Variants in ACSL1 observed in about 807,000 individuals in gnomAD.
The protein encoded by ACSL1 is long-chain-fatty-acid--CoA ligase 1.
Under a neutral mutation model 98.4 loss-of-function variants are expected in ACSL1, and 41 were observed. The observed-to-expected ratio is 0.42, with a 90% CI of 0.32 to 0.54. The LOEUF (loss-of-function observed/expected upper bound fraction) is 0.54. Ranked by LOEUF, ACSL1 falls within the 20% of genes least tolerant of loss-of-function variation. The pLI, the probability that ACSL1 is intolerant of heterozygous loss-of-function variation, is 0.13. For synonymous variants in ACSL1, 316 were observed against 322.7 expected (o/e 0.98, Z 0.22); for missense variants, 734 against 883.1 (o/e 0.83, Z 2.14).
rs775721621 is a variant in ACSL1, at chr4:184,773,912, G to A, written c.757-37C>T. 15 of 1,612,080 alleles carry A rather than the reference G, an allele frequency of 9.3e-6. No homozygotes were observed. The highest frequency in any genetic ancestry group is 2.2e-5 in the South Asian group (2 of 90,940). On this transcript the variant is annotated intron_variant, in intron 7 of 20. Transcript: ENST00000281455. This position sits in a 1 kb window ranked among gnomAD's most constrained non-coding sequence, Gnocchi z 4.3. Reference sequence around the variant, plus strand: ...GAGAAAAAAAGTCTTAAATGGAAACGTTTTCTAACTGTAAAGGATAAGGTC... The same window carrying A: ...GAGAAAAAAAGTCTTAAATGGAAACATTTTCTAACTGTAAAGGATAAGGTC...
Position 184,757,654 on chromosome 4 carries a change from C to G in ACSL1, c.1937G>C (p.Gly646Ala). Residue 646 changes from glycine to alanine, a missense_variant, in exon 20 of 21, where the codon GGT (glycine) becomes GCT (alanine). By Grantham distance (60) the Gly-to-Ala change is moderately conservative (BLOSUM62 0). Coordinates refer to ENST00000281455, the MANE Select transcript of ACSL1 (RefSeq NM_001995.5). This position sits in a 1 kb window ranked among gnomAD's most constrained non-coding sequence, Gnocchi z 4.5. ...EDMVRLGKDS[G>A]LKPFEQVKGI... ...TCATACCTGTTCAAATGGTTTCAGA[C>G]CAGAATCCTTCCCAAGTCTCACCAT... 6.2e-7 allele frequency: 1 copy of G among 1,614,042 alleles called. No individual in the cohort carries two copies. Among genetic ancestry groups the G allele is most frequent in the Non-Finnish European group, 8.5e-7 (1 of 1,180,000 alleles).
At chr4:184,801,673 C>T (rs1468662802) in intron 2 of ACSL1, among the ~76,000 whole-genome samples, 1 of 152,182 alleles carries the variant, frequency 6.6e-6, no homozygotes, top group Admixed American at 6.5e-5. Flanking sequence ...CTAAGCCCCA[C>T]AAATTCTGAA....
At chr4:184,784,022 T>G in intron 3 of ACSL1, 31 bp from the exon 4 acceptor site, 1 of 1,550,008 alleles carries the variant, frequency 6.5e-7, no homozygotes, top group Non-Finnish European at 8.9e-7. Context: ...ACAGATGGGC[T>G]GAACGTACAT....
chr4:184,757,984 T>C lies in ACSL1; in HGVS notation c.1783-64A>G. ...CAAATGCTCTAAAATAGTGGTTCTT[T>C]ATTTTTCCATCTTGTGGCCCCCTGG... On this transcript the variant is annotated intron_variant, in intron 18 of 20. Transcript: ENST00000281455. The surrounding 1 kb of genome is among the most constrained non-coding windows in gnomAD (Gnocchi z 4.5). 1 of 1,496,844 alleles carries C rather than the reference T, an allele frequency of 6.7e-7. No homozygotes were observed. The highest frequency in any genetic ancestry group is 9.3e-7 in the Non-Finnish European group (1 of 1,079,174). The allele number at this position is 1,496,844 out of a possible 1,614,324, so 92.7% of individuals were successfully genotyped here.
chr4:184,773,839 T>G lies in ACSL1; in HGVS notation c.789+4A>C, dbSNP rs764519115. 1 of 1,613,954 alleles carries G rather than the reference T, an allele frequency of 6.2e-7. No homozygotes were observed. Among genetic ancestry groups the G allele is most frequent in the South Asian group, 1.1e-5 (1 of 91,070 alleles). ...CAGAGCAGGGTCTGACACGGTGTGC[T>G]TACCTTGGGCTTCCGTCTGTTGGCT... On this transcript the variant is annotated splice_donor_region_variant and intron_variant, in intron 8 of 20. Transcript: ENST00000281455. This position sits in a 1 kb window ranked among gnomAD's most constrained non-coding sequence, Gnocchi z 4.3.
chr4:184,791,503 T>G (rs1182847345), intron 2 of ACSL1, among the ~76,000 whole-genome samples: 1 of 152,188 alleles, frequency 6.6e-6, no homozygotes, highest in Admixed American at 6.5e-5. Context: ...TCCGAAACTC[T>G]GGGGATGCGA....
chr4:184,784,124 G>C lies in ACSL1; in HGVS notation c.311-133C>G. On this transcript the variant is annotated intron_variant, in intron 3 of 20. Coordinates refer to ENST00000281455, the MANE Select transcript of ACSL1 (RefSeq NM_001995.5). ...TTTAGTCCTCAGATAAGAAATGGTGGCTTCAGATTGGAAATGTTTTCTCCC... is the reference window on the plus strand; with the variant it reads ...TTTAGTCCTCAGATAAGAAATGGTGCCTTCAGATTGGAAATGTTTTCTCCC... The C allele has an allele frequency of 2.4e-5, 16 of 672,360 alleles. No homozygotes were observed. The South Asian group carries it at 2.7e-4, about 11-fold the overall frequency. 41.6% of individuals were successfully genotyped at this position (672,360 alleles called of 1,614,324 possible).
intron 2 of ACSL1, chr4:184,798,730 T>C (rs1185158668): frequency 6.6e-6 from 1 of 152,316 alleles, no homozygotes; most frequent in Non-Finnish European, 1.5e-5. Context: ...AGGCTGGCTG[T>C]GCCAGCGTAG....
chr4:184,803,568 A>C lies in ACSL1; in HGVS notation c.-32-22T>G. The C allele has an allele frequency of 7.1e-7, 1 of 1,399,622 alleles. No homozygotes were observed. The highest frequency in any genetic ancestry group is 1.5e-5 in the African/African-American group (1 of 68,650). 86.7% of individuals were successfully genotyped at this position (1,399,622 alleles called of 1,614,324 possible). On this transcript the variant is annotated intron_variant, in intron 1 of 20. Transcript: ENST00000281455. The surrounding 1 kb of genome is among the most constrained non-coding windows in gnomAD (Gnocchi z 4.8). The stretch of plus-strand genomic sequence containing the variant: ...AATTCTGTTGGGAGAGAAAAATGTC[A>C]CGTTCGTTCCAGGGAAGCAGGACCC...
chr4:184,764,443 T>C (rs1193635462), intron 15 of ACSL1, among the ~76,000 whole-genome samples: 4 of 152,232 alleles, frequency 2.6e-5, no homozygotes. Flanking sequence ...TTCCTATTGG[T>C]AGTCCCAACA....
At chr4:184,812,416 T>C (rs184721827) in intron 1 of ACSL1, among the ~76,000 whole-genome samples, 2 of 151,774 alleles carry the variant, frequency 1.3e-5, no homozygotes, top group African/African-American at 4.8e-5. Context: ...AGAAAGGGGG[T>C]ATTAAGCATT....
intron 2 of ACSL1, among the ~76,000 whole-genome samples, chr4:184,794,282 A>C (rs1393403047): frequency 6.6e-6 from 1 of 152,232 alleles, no homozygotes; most frequent in Non-Finnish European, 1.5e-5. Context: ...AGCAGACTAC[A>C]TCTTTGATAT....
intron 1 of ACSL1, among the ~76,000 whole-genome samples, chr4:184,820,717 G>A (rs1247110221): frequency 6.6e-6 from 1 of 152,112 alleles, no homozygotes; most frequent in Non-Finnish European, 1.5e-5. Flanking sequence ...CGATTCTCCT[G>A]CCTCAACCTC....
chr4:184,798,299 T>C (rs1769810329), intron 2 of ACSL1: 1 of 152,262 alleles, frequency 6.6e-6, no homozygotes, highest in African/African-American at 2.4e-5. Flanking sequence ...AAAAAAGTTT[T>C]TACTTGCTAA....
At chr4:184,813,403 T>A (rs893557357) in intron 1 of ACSL1, among the ~76,000 whole-genome samples, 1 of 152,198 alleles carries the variant, frequency 6.6e-6, no homozygotes, top group Non-Finnish European at 1.5e-5. Flanking sequence ...AACAGCTTTG[T>A]GGCAGCGGAT....
At position 184,773,586 on chromosome 4, in the gene ACSL1, A is replaced by G. The variant is rs995211191; in HGVS notation, c.841+77T>C. ...TTTGGTCCGTCTACTGTTAGCTGAT[A>G]AGTCATCCAAAAGAGGTAGGGGAGA... On this transcript the variant is annotated intron_variant, in intron 9 of 20. Transcript: ENST00000281455. The surrounding 1 kb of genome is among the most constrained non-coding windows in gnomAD (Gnocchi z 4.3). 2.9e-6 allele frequency: 4 copies of G among 1,376,336 alleles called. No homozygotes were observed. In the African/African-American group the frequency reaches 5.8e-5, roughly 20 times the overall value. 85.3% of individuals were successfully genotyped at this position (1,376,336 alleles called of 1,614,324 possible).
At chr4:184,812,165 A>G (rs1772185072) in intron 1 of ACSL1, 2 of 984,204 alleles carry the variant, frequency 2.0e-6, no homozygotes, top group Non-Finnish European at 2.4e-6. Flanking sequence ...CTTACAGCGA[A>G]TGGTACTTAG....
At chr4:184,775,746 T>C (rs1290187580) in intron 7 of ACSL1, among the ~76,000 whole-genome samples, 2 of 152,178 alleles carry the variant, frequency 1.3e-5, no homozygotes, top group Non-Finnish European at 2.9e-5. Context: ...TAAAATCCTA[T>C]CTATAACAGT....
Position 184,825,700 on chromosome 4 carries a change from G to C in ACSL1, c.-33+216C>G, listed in dbSNP as rs987146552. Among the ~76,000 whole-genome samples the C allele has an allele frequency of 3.6e-4, 54 of 149,684 alleles. No individual in the cohort carries two copies. Among genetic ancestry groups the C allele is most frequent in the Admixed American group, 3.4e-3 (52 of 15,082 alleles). ...CAGACACAGGAAGCTGCGGCAGCAC[G>C]GGCACCCCGGAGGCCTCCGGCTGCC... On this transcript the variant is annotated intron_variant, in intron 1 of 20. Coordinates refer to ENST00000281455, the MANE Select transcript of ACSL1 (RefSeq NM_001995.5). The surrounding 1 kb of genome is among the most constrained non-coding windows in gnomAD (Gnocchi z 4.7).
Sources: gnomAD v4.1 joint callset for allele counts (sites outside exome capture counted in the v4.1 genomes callset) on GRCh38, gnomAD v4.1.1 for gene constraint, Gnocchi (gnomAD v3.1) non-coding constraint, MANE v1.5 for transcripts, NCBI Gene and HGNC (gene_info 2026-07-23, HGNC 2026-07-21) for gene names.